ANKRD24: variants seen among roughly 807,000 people sequenced by gnomAD.
ANKRD24 encodes the protein ankyrin repeat domain-containing protein 24.
A neutral mutation model predicts 127.8 loss-of-function variants in ANKRD24; 109 were observed. That is an observed-to-expected ratio of 0.85 (90% CI 0.73 to 1.00). ANKRD24 has a LOEUF of 1.00. Ranked by LOEUF, ANKRD24 falls within the 50% of genes least tolerant of loss-of-function variation. The probability of loss-of-function intolerance (pLI) is 0.00; values close to 1 mark genes in which losing one functional copy is unlikely to be tolerated. For synonymous variants in ANKRD24, 743 were observed against 671.1 expected, an observed-to-expected ratio of 1.11 and a Z score of -1.66; for missense variants, 1,648 against 1,570.2, an observed-to-expected ratio of 1.05 and a Z score of -0.84.
At chr19:4,204,177 G>A (rs1327849111) in intron 7 of ANKRD24, among the ~76,000 whole-genome samples, 1 of 148,414 alleles carries the variant, frequency 6.7e-6, no homozygotes, top group African/African-American at 2.5e-5. Flanking sequence ...GTGTTAGCCA[G>A]GATGGTCTTG....
intron 11 of ANKRD24, among the ~76,000 whole-genome samples, chr19:4,209,402 G>A (rs11085065): frequency 0.17 from 25,556 of 149,888 alleles, 2,502 homozygotes; most frequent in East Asian, 0.34. Context: ...GCCACTGAGC[G>A]CGACCCCTCT....
At chr19:4,222,375 C>T (rs775394203) in intron 19 of ANKRD24, among the ~76,000 whole-genome samples, 10 of 152,072 alleles carry the variant, frequency 6.6e-5, no homozygotes, top group African/African-American at 1.2e-4. Flanking sequence ...GGCAACAGAG[C>T]GAGACTCTGT....
intron 2 of ANKRD24, among the ~76,000 whole-genome samples, chr19:4,190,635 A>G (rs1353128201): frequency 2.0e-5 from 3 of 152,132 alleles, no homozygotes; most frequent in African/African-American, 4.8e-5. Flanking sequence ...CAGGAGGCTG[A>G]GGAAGGAAAA....
chr19:4,197,273 T>C (rs892415560), intron 2 of ANKRD24, among the ~76,000 whole-genome samples: 1 of 152,026 alleles, frequency 6.6e-6, no homozygotes, highest in African/African-American at 2.4e-5. Flanking sequence ...AATGAATGAA[T>C]GAACGAATGA....
intron 2 of ANKRD24, among the ~76,000 whole-genome samples, chr19:4,189,250 T>TTA (rs1968245481): frequency 7.2e-6 from 1 of 139,366 alleles, no homozygotes; most frequent in African/African-American, 2.7e-5. Context: ...CTTCTTTTTT[T>TTA]TTTTTTTTTT....
rs771679946 is a variant in ANKRD24, at chr19:4,222,783, G to A, written c.3285G>A (p.Gln1095=). ...EALRDQVKDL[Q]QQLQEAARDH... ...TCCGTGACCAGGTGAAGGATTTACA[G>A]CAGCAGCTGCAGGTAAGGACTGGGC... Residue 1095 remains glutamine, a synonymous_variant, in exon 20 of 22, where the codon CAG becomes CAA. Coordinates refer to ENST00000318934, the MANE Select transcript of ANKRD24 (RefSeq NM_001393985.1). The A allele has an allele frequency of 6.2e-7, 1 of 1,608,196 alleles. No homozygotes were observed. Among genetic ancestry groups the A allele is most frequent in the South Asian group, 1.1e-5 (1 of 90,578 alleles).
chr19:4,194,559 G>A (rs1441331447), intron 2 of ANKRD24, among the ~76,000 whole-genome samples: 3 of 152,096 alleles, frequency 2.0e-5, no homozygotes, highest in South Asian at 2.1e-4. Flanking sequence ...CATTCTCTAC[G>A]GAAACAGGCA....
At chr19:4,182,965 TTGTGTGTGTGTGTG>T (rs57280997) in intron 1 of ANKRD24, among the ~76,000 whole-genome samples, 99 of 138,676 alleles carry the variant, frequency 7.1e-4, no homozygotes, top group Non-Finnish European at 1.2e-3. Flanking sequence ...AATATCTCAT[TTGTGTGTGTGTGTG>T]TGTGTGTGTG....
chr19:4,210,093 C>A lies in ANKRD24; in HGVS notation c.906C>A (p.Pro302=). ...CCAGCCATGGAAAGCAGGGGGCCCC[C>A]AAGAAGCGGAAGGCGCCTCCACCTC... is the stretch of plus-strand genomic sequence containing the variant. ...SMSSHGKQGA[P]KKRKAPPPPA... Residue 302 remains proline, a synonymous_variant, in exon 12 of 22, where the codon CCC becomes CCA. Transcript: ENST00000318934. The A allele has an allele frequency of 6.2e-7, 1 of 1,612,528 alleles. No homozygotes were observed. Among genetic ancestry groups the A allele is most frequent in the Non-Finnish European group, 8.5e-7 (1 of 1,179,450 alleles).
rs897717978 is a variant in ANKRD24, at chr19:4,198,490, C to T, written c.37-1193C>T. On this transcript the variant is annotated intron_variant, in intron 2 of 21. Coordinates refer to ENST00000318934, the MANE Select transcript of ANKRD24 (RefSeq NM_001393985.1). The surrounding 1 kb of genome is among the most constrained non-coding windows in gnomAD (Gnocchi z 6.1). ...CGCCCCCCGCGCCCCGCGCCCCGGA[C>T]GCCATGAAGCAGCTGTGTCTGTGCG... 2 of 622,218 alleles carry T rather than the reference C, an allele frequency of 3.2e-6. No homozygotes were observed. Among genetic ancestry groups the T allele is most frequent in the Non-Finnish European group, 2.9e-6 (1 of 346,094 alleles). 38.5% of individuals were successfully genotyped at this position (622,218 alleles called of 1,614,324 possible).
At chr19:4,182,780 G>A (rs1444270514) in intron 1 of ANKRD24, 40 bp downstream of exon 1, 2 of 984,508 alleles carry the variant, frequency 2.0e-6, no homozygotes, top group South Asian at 4.7e-5. Context: ...CGATGACCCG[G>A]GCGGGAAATT....
At chr19:4,186,666 A>G (rs1234066566) in intron 2 of ANKRD24, among the ~76,000 whole-genome samples, 3 of 151,894 alleles carry the variant, frequency 2.0e-5, no homozygotes, top group Admixed American at 1.3e-4. Context: ...TCCGCTCTCC[A>G]TGGAATTCCT....
chr19:4,213,129 T>TCAAA (rs778983253), intron 15 of ANKRD24, among the ~76,000 whole-genome samples: 1 of 151,954 alleles, frequency 6.6e-6, no homozygotes. Context: ...AGACTCAGTC[T>TCAAA]CAAACAAACA....
rs1232557996 is a variant in ANKRD24 at position 4,195,319 on chromosome 19, C to G, written c.37-4364C>G. On this transcript the variant is annotated intron_variant, in intron 2 of 21. Transcript: ENST00000318934. This position sits in a 1 kb window ranked among gnomAD's most constrained non-coding sequence, Gnocchi z 4.2. ...GAACTCCCCATCTCAGGTGATCTGC[C>G]TGCCTCAGCCTCCCAAAGTGCTGGG... 1.3e-5 allele frequency among the ~76,000 whole-genome samples: 2 copies of G among 151,882 alleles called. No homozygotes were observed. Among genetic ancestry groups the G allele is most frequent in the Admixed American group, 6.6e-5 (1 of 15,230 alleles).
In ANKRD24 at chr19:4,216,066, C is replaced by G. The variant is rs1970048008; in HGVS notation, c.1270+16C>G. 6.3e-7 allele frequency: 1 copy of G among 1,577,402 alleles called. No homozygotes were observed. The highest frequency in any genetic ancestry group is 1.4e-5 in the African/African-American group (1 of 73,886). On this transcript the variant is annotated intron_variant, in intron 16 of 21. Coordinates refer to ENST00000318934, the MANE Select transcript of ANKRD24 (RefSeq NM_001393985.1). ...GACCTTCCAGGTGAGCCCCCACCTC[C>G]CCACGCACTCCCAGCCGCCTTGTCC...
chr19:4,189,572 G>T, intron 2 of ANKRD24, among the ~76,000 whole-genome samples: 1 of 150,304 alleles, frequency 6.7e-6, no homozygotes, highest in East Asian at 1.9e-4. Flanking sequence ...TTTTTTAAGA[G>T]ATGGGGTCTC....
Position 4,199,621 on chromosome 19 carries a change from G to A in ANKRD24, c.37-62G>A. 1.4e-6 allele frequency: 2 copies of A among 1,475,712 alleles called. No individual in the cohort carries two copies. The highest frequency in any genetic ancestry group is 1.4e-5 in the African/African-American group (1 of 70,272). 91.4% of individuals were successfully genotyped at this position (1,475,712 alleles called of 1,614,324 possible). On this transcript the variant is annotated intron_variant, in intron 2 of 21. Coordinates refer to ENST00000318934, the MANE Select transcript of ANKRD24 (RefSeq NM_001393985.1). This position sits in a 1 kb window ranked among gnomAD's most constrained non-coding sequence, Gnocchi z 5.2. The stretch of plus-strand genomic sequence containing the variant: ...GATGGGCCTGGGGGCAGATGCTGGG[G>A]GTCGCAGGCTTGGGGGACACTGTCT...
At chr19:4,222,533 G>T in intron 19 of ANKRD24, 137 bp from the exon 20 acceptor site, 2 of 1,054,890 alleles carry the variant, frequency 1.9e-6, no homozygotes, top group Non-Finnish European at 2.5e-6. Flanking sequence ...GTGGCCCTCA[G>T]GCCAGAGTTT....
Position 4,199,649 on chromosome 19 carries a change from G to A in ANKRD24, c.37-34G>A, listed in dbSNP as rs576106015. 7 of 1,507,326 alleles carry A rather than the reference G, an allele frequency of 4.6e-6. No individual in the cohort carries two copies. In the South Asian group the frequency reaches 8.8e-5, roughly 19 times the overall value. The allele number at this position is 1,507,326 out of a possible 1,614,324, so 93.4% of individuals were successfully genotyped here. The stretch of plus-strand genomic sequence containing the variant: ...CGCAGGCTTGGGGGACACTGTCTGA[G>A]GACCCCCTCGCCCAGGACCACCTCC... On this transcript the variant is annotated intron_variant, in intron 2 of 21. Transcript: ENST00000318934. The surrounding 1 kb of genome is among the most constrained non-coding windows in gnomAD (Gnocchi z 5.2).
Sources: gnomAD v4.1 joint callset for allele counts (sites outside exome capture counted in the v4.1 genomes callset) on GRCh38, gnomAD v4.1.1 for gene constraint, Gnocchi (gnomAD v3.1) non-coding constraint, MANE v1.5 for transcripts, NCBI Gene and HGNC (gene_info 2026-07-23, HGNC 2026-07-21) for gene names.